Variants in AARS1 observed in about 807,000 individuals in gnomAD.
AARS1 encodes alanine--tRNA ligase, cytoplasmic.
A neutral mutation model predicts 108.9 loss-of-function variants in AARS1; 72 were observed. That is an observed-to-expected ratio of 0.66 (90% CI 0.55 to 0.80). The LOEUF is 0.80. AARS1 is among the 30% of genes least tolerant of loss of function. AARS1 has a pLI of 0.00. For missense variants in AARS1, 1,193 were observed against 1,233.2 expected (o/e 0.97, Z 0.49); for synonymous variants, 489 against 465.7 (o/e 1.05, Z -0.64).
At chr16:70,257,222 C>G (rs1424626621) in intron 15 of AARS1, among the ~76,000 whole-genome samples, 4 of 150,904 alleles carry the variant, frequency 2.7e-5, no homozygotes, top group Non-Finnish European at 4.4e-5. Flanking sequence ...GCACTCCAGC[C>G]TGGGCAATGA....
chr16:70,273,853 ACTC>A (rs1302307102), intron 4 of AARS1, among the ~76,000 whole-genome samples: 21 of 109,726 alleles, frequency 1.9e-4, no homozygotes, highest in Non-Finnish European at 2.6e-4. Flanking sequence ...ACAGAGCGGG[ACTC>A]CGTCTCCAAA....
chr16:70,273,135 G>A (rs949169260), intron 4 of AARS1, among the ~76,000 whole-genome samples: 2 of 151,968 alleles, frequency 1.3e-5, no homozygotes, highest in Non-Finnish European at 2.9e-5. Context: ...AGTTGGGTTG[G>A]AATAATATAT....
rs753308067 is a variant in AARS1 at position 70,252,869 on chromosome 16, A to G, written c.2759T>C (p.Val920Ala). 3 of 1,614,172 alleles carry G rather than the reference A, an allele frequency of 1.9e-6. No homozygotes were observed. The highest frequency in any genetic ancestry group is 1.1e-5 in the South Asian group (1 of 91,084). Residue 920 changes from valine to alanine, a missense_variant, in exon 21 of 21, where the codon GTG (valine) becomes GCG (alanine). By Grantham distance (64) the Val-to-Ala change is moderately conservative (BLOSUM62 0). Transcript: ENST00000261772. ...GTCCATCAAGCCTGACACCTGCTGC[A>G]CCCACTCGCTGGCTTTTAAGCCCCG... is the stretch of plus-strand genomic sequence containing the variant. Reference protein sequence around the residue: ...ANRGLKASEWVQQVSGLMDGK... With the variant: ...ANRGLKASEWAQQVSGLMDGK...
In AARS1 at chr16:70,262,472, G is replaced by A. The variant is rs200578293; in HGVS notation, c.1545C>T (p.Phe515=). 7.4e-6 allele frequency: 12 copies of A among 1,614,016 alleles called. No individual in the cohort carries two copies. The highest frequency in any genetic ancestry group is 4.5e-5 in the East Asian group (2 of 44,886). ...CCTGGCCTGTGGACACCTCTTCCAC[G>A]AACATCTTCTCCCTGCGCAGAGCCA... ...TVMALRREKM[F]VEEVSTGQEC... Residue 515 remains phenylalanine, a synonymous_variant, in exon 12 of 21, where the codon TTC becomes TTT. Coordinates refer to ENST00000261772, the MANE Select transcript of AARS1 (RefSeq NM_001605.3).
At chr16:70,286,160 TTATTTATTCAATCTAAATTTA>T (rs1960833168) in intron 1 of AARS1, among the ~76,000 whole-genome samples, 1 of 151,696 alleles carries the variant, frequency 6.6e-6, no homozygotes, top group African/African-American at 2.4e-5. Flanking sequence ...TTACCCCCAT[TTATTTATTCAATCTAAATTTA>T]TATTTATTCG....
chr16:70,259,001 A>G lies in AARS1; in HGVS notation c.1971T>C (p.Asn657=), dbSNP rs779839889. The G allele has an allele frequency of 6.2e-7, 1 of 1,614,142 alleles. No individual in the cohort carries two copies. The highest frequency in any genetic ancestry group is 8.5e-7 in the Non-Finnish European group (1 of 1,179,996). ...QQIKKAEEIA[N]EMIEAAKAVY... ...CTACCTTGGCTGCCTCAATCATCTC[A>G]TTAGCAATCTCTTCAGCCTTCTTGA... The change falls in exon 14 of 21, where the codon AAT becomes AAC. Residue 657 remains asparagine, a synonymous_variant. Transcript: ENST00000261772.
intron 12 of AARS1, 111 bp from the exon 13 acceptor site, chr16:70,261,268 G>A (rs1960125064): frequency 2.8e-6 from 2 of 720,096 alleles, no homozygotes; most frequent in African/African-American, 1.8e-5. Flanking sequence ...TATGTAAATT[G>A]CACACACACA....
chr16:70,289,256 G>T (rs1003011803), intron 1 of AARS1, among the ~76,000 whole-genome samples, 165 bp downstream of exon 1: 6 of 152,162 alleles, frequency 3.9e-5, no homozygotes, highest in Admixed American at 3.3e-4. Flanking sequence ...GCTCCCGGGG[G>T]CGAACGCAAG....
intron 7 of AARS1, 42 bp downstream of exon 7, chr16:70,269,576 G>A (rs572193392): frequency 4.3e-6 from 7 of 1,610,906 alleles, no homozygotes; most frequent in South Asian, 1.1e-5. Flanking sequence ...CATAGCACAC[G>A]TGGTGCCGCT....
In AARS1 at chr16:70,267,712, C is replaced by T. The variant is rs1465496890; in HGVS notation, c.1169G>A (p.Arg390His). 5.6e-6 allele frequency: 9 copies of T among 1,614,148 alleles called. No homozygotes were observed. The highest frequency in any genetic ancestry group is 7.6e-6 in the Non-Finnish European group (9 of 1,180,028). Reference protein sequence around the residue: ...VQFLKTLSRGRRILDRKIQSL... With the variant: ...VQFLKTLSRGHRILDRKIQSL... ...CTGAATTTTCCTGTCCAGGATGCGA[C>T]GCCCTCTGCTGAGAGTCTTGAGAAA... is the stretch of plus-strand genomic sequence containing the variant. Residue 390 changes from arginine (R) to histidine (H), a missense_variant, in exon 9 of 21, where the codon CGT becomes CAT. Coordinates refer to ENST00000261772, the MANE Select transcript of AARS1 (RefSeq NM_001605.3).
chr16:70,259,161 T>G lies in AARS1; in HGVS notation c.1811A>C (p.Asn604Thr), dbSNP rs371595630. 1 of 1,614,016 alleles carries G rather than the reference T, an allele frequency of 6.2e-7. No individual in the cohort carries two copies. Among genetic ancestry groups the G allele is most frequent in the African/African-American group, 1.3e-5 (1 of 74,908 alleles). Residue 604 changes from asparagine to threonine, a missense_variant, in exon 14 of 21, where the codon AAC (asparagine) becomes ACC (threonine). By Grantham distance (65) the Asn-to-Thr change is moderately conservative. Transcript: ENST00000261772. The part of the protein sequence containing the change: ...DEPRRRPIMS[N>T]HTATHILNFA... ...GTTCAGAATGTGCGTAGCTGTGTGGTTGCTCATGATGGGTCTTCGTCGGGG... is the reference window on the plus strand; with the variant it reads ...GTTCAGAATGTGCGTAGCTGTGTGGGTGCTCATGATGGGTCTTCGTCGGGG...
chr16:70,264,834 TGTACG>T, intron 11 of AARS1, 119 bp downstream of exon 11: 1 of 1,215,804 alleles, frequency 8.2e-7, no homozygotes, highest in Non-Finnish European at 1.2e-6. Flanking sequence ...ATAGCGTGAC[TGTACG>T]GCACTCCAGG....
intron 2 of AARS1, 119 bp from the exon 3 acceptor site, chr16:70,277,273 AAT>A: frequency 9.2e-7 from 1 of 1,090,626 alleles, no homozygotes; most frequent in Non-Finnish European, 1.4e-6. Flanking sequence ...ACATGCCTGG[AAT>A]ATAGACACTT....
intron 11 of AARS1, among the ~76,000 whole-genome samples, chr16:70,263,911 A>G (rs1283554670): frequency 6.6e-6 from 1 of 152,114 alleles, no homozygotes; most frequent in East Asian, 2.0e-4. Flanking sequence ...TGCTGGGATT[A>G]CAGGCATGAG....
At chr16:70,269,886 A>G (rs1960355828) in intron 6 of AARS1, 123 bp from the exon 7 acceptor site, 5 of 1,326,358 alleles carry the variant, frequency 3.8e-6, no homozygotes, top group South Asian at 1.2e-5. Flanking sequence ...GCCAGATCCT[A>G]TAACCCCAAG....
chr16:70,263,180 TTAG>T (rs1960185508), intron 11 of AARS1, among the ~76,000 whole-genome samples: 1 of 151,914 alleles, frequency 6.6e-6, no homozygotes, highest in African/African-American at 2.4e-5. Context: ...GTGCATCAGA[TTAG>T]TAGATCTTTA....
At chr16:70,255,166 A>T (rs1299585861) in intron 16 of AARS1, among the ~76,000 whole-genome samples, 1 of 148,814 alleles carries the variant, frequency 6.7e-6, no homozygotes, top group Non-Finnish European at 1.5e-5. Context: ...CCACATGGAG[A>T]CAGGAGGGGG....
At chr16:70,281,480 A>G (rs1044757621) in intron 2 of AARS1, among the ~76,000 whole-genome samples, 1 of 152,144 alleles carries the variant, frequency 6.6e-6, no homozygotes, top group African/African-American at 2.4e-5. Context: ...AACCTGGCCA[A>G]CATGGTGAAA....
In AARS1 at chr16:70,258,267, C is replaced by T. The variant is rs199523744; in HGVS notation, c.1993-50G>A. On this transcript the variant is annotated intron_variant, in intron 14 of 20. Transcript: ENST00000261772. ...GAGCTGGAAGAGATCCCTGGAGGTG[C>T]GGTACGACGAGGCAGGAAAGCATGG... 8.1e-5 allele frequency: 125 copies of T among 1,545,662 alleles called. No homozygotes were observed. The East Asian group carries it at 2.1e-3, about 26-fold the overall frequency.
Sources: gnomAD v4.1 joint callset for allele counts (sites outside exome capture counted in the v4.1 genomes callset) on GRCh38, gnomAD v4.1.1 for gene constraint, MANE v1.5 for transcripts, NCBI Gene and HGNC (gene_info 2026-07-23, HGNC 2026-07-21) for gene names.